DSCAML1: variants seen among roughly 807,000 people sequenced by gnomAD.
The protein encoded by DSCAML1 is DS cell adhesion molecule like 1, also known as cell adhesion molecule DSCAML1.
DSCAML1 carries 38 observed loss-of-function variants against 200.5 expected under a neutral mutation model. The observed-to-expected ratio is 0.19, with a 90% CI of 0.15 to 0.25. The LOEUF is 0.25. DSCAML1 is among the 10% of genes least tolerant of loss of function. The probability of loss-of-function intolerance (pLI) is 1.00; values close to 1 mark genes in which losing one functional copy is unlikely to be tolerated. For missense variants in DSCAML1, 2,223 were observed against 2,858.8 expected, an observed-to-expected ratio of 0.78 and a Z score of 5.07; for synonymous variants, 1,215 against 1,165.0, an observed-to-expected ratio of 1.04 and a Z score of -0.87.
At chr11:117,492,021 C>T (rs1439505146) in intron 11 of DSCAML1, among the ~76,000 whole-genome samples, 1 of 152,116 alleles carries the variant, frequency 6.6e-6, no homozygotes, top group African/African-American at 2.4e-5. Flanking sequence ...ACCTGAGAAT[C>T]ACCTTGGAAG....
At chr11:117,787,007 C>G (rs903001600) in intron 1 of DSCAML1, among the ~76,000 whole-genome samples, 1 of 152,198 alleles carries the variant, frequency 6.6e-6, no homozygotes, top group Non-Finnish European at 1.5e-5. Flanking sequence ...AGGCCATTAG[C>G]TCCCCGAGGG....
At chr11:117,485,658 G>A (rs917178876) in intron 11 of DSCAML1, among the ~76,000 whole-genome samples, 1 of 152,240 alleles carries the variant, frequency 6.6e-6, no homozygotes, top group African/African-American at 2.4e-5. Flanking sequence ...ATCCCCAAGG[G>A]GTTCCATCAA....
At chr11:117,768,047 G>A (rs961677969) in intron 3 of DSCAML1, among the ~76,000 whole-genome samples, 3 of 152,162 alleles carry the variant, frequency 2.0e-5, no homozygotes, top group African/African-American at 4.8e-5. Context: ...GGTAACGGGG[G>A]CTGTTTTGAG....
chr11:117,473,586 G>A (rs1228665210), intron 14 of DSCAML1, among the ~76,000 whole-genome samples: 1 of 152,126 alleles, frequency 6.6e-6, no homozygotes, highest in Non-Finnish European at 1.5e-5. Context: ...AATGTCCCAG[G>A]CCTCCAATTT....
intron 3 of DSCAML1, among the ~76,000 whole-genome samples, chr11:117,596,930 CA>C: frequency 6.6e-6 from 1 of 152,272 alleles, no homozygotes; most frequent in East Asian, 1.9e-4. Context: ...TTGGCATTTA[CA>C]AGGTTTGTCC....
intron 3 of DSCAML1, among the ~76,000 whole-genome samples, chr11:117,534,757 GCAC>G (rs2050136971): frequency 6.6e-6 from 1 of 152,104 alleles, no homozygotes; most frequent in Non-Finnish European, 1.5e-5. Context: ...CCACAGTCAT[GCAC>G]CACCACAACT....
chr11:117,495,913 A>G (rs565180487), intron 11 of DSCAML1, among the ~76,000 whole-genome samples: 1 of 152,304 alleles, frequency 6.6e-6, no homozygotes, highest in East Asian at 1.9e-4. Context: ...CATCATGTCC[A>G]GACTTCAGAA....
chr11:117,752,426 T>C (rs530540730), intron 3 of DSCAML1, among the ~76,000 whole-genome samples: 2 of 152,288 alleles, frequency 1.3e-5, no homozygotes, highest in Admixed American at 1.3e-4. Context: ...ATCATTTTAC[T>C]CAAAGGTGAG....
chr11:117,698,465 CT>C (rs1238437626), intron 3 of DSCAML1, among the ~76,000 whole-genome samples: 2 of 152,168 alleles, frequency 1.3e-5, no homozygotes, highest in Non-Finnish European at 2.9e-5. Flanking sequence ...TTAAACAAAA[CT>C]TTTTGGGAAC....
intron 3 of DSCAML1, among the ~76,000 whole-genome samples, chr11:117,543,353 T>G (rs921752355): frequency 6.6e-6 from 1 of 151,944 alleles, no homozygotes; most frequent in African/African-American, 2.4e-5. Context: ...GTACCTGCAC[T>G]GGTGTGTGTA....
At chr11:117,584,745 G>A (rs571398492) in intron 3 of DSCAML1, among the ~76,000 whole-genome samples, 13 of 152,206 alleles carry the variant, frequency 8.5e-5, no homozygotes, top group Non-Finnish European at 1.9e-4. Context: ...GGCTGTGAAC[G>A]TTGCTTGCTA....
chr11:117,748,676 C>G (rs1167688559), intron 3 of DSCAML1, among the ~76,000 whole-genome samples: 2 of 152,202 alleles, frequency 1.3e-5, no homozygotes, highest in Non-Finnish European at 2.9e-5. Context: ...GGACTCCAGG[C>G]TGGTAGTGTT....
intron 3 of DSCAML1, among the ~76,000 whole-genome samples, chr11:117,712,459 A>G (rs2137772289): frequency 6.6e-6 from 1 of 152,268 alleles, no homozygotes; most frequent in East Asian, 1.9e-4. Flanking sequence ...ATATTCATAG[A>G]AATCCGGTTT....
At chr11:117,744,646 G>A (rs2054483606) in intron 3 of DSCAML1, among the ~76,000 whole-genome samples, 1 of 152,228 alleles carries the variant, frequency 6.6e-6, no homozygotes, top group African/African-American at 2.4e-5. Flanking sequence ...CACCCCAGTA[G>A]CCAGAGCCCC....
In DSCAML1 at chr11:117,518,176, T is replaced by C. The variant is rs1185555922; in HGVS notation, c.1510+290A>G. Among the ~76,000 whole-genome samples the C allele has an allele frequency of 6.6e-6, 1 of 151,748 alleles. No individual in the cohort carries two copies. Among genetic ancestry groups the C allele is most frequent in the Non-Finnish European group, 1.5e-5 (1 of 67,962 alleles). On this transcript the variant is annotated intron_variant, in intron 7 of 32. Coordinates refer to ENST00000651296, the MANE Select transcript of DSCAML1 (RefSeq NM_020693.4). The surrounding 1 kb of genome is among the most constrained non-coding windows in gnomAD (Gnocchi z 6.3). ...AGAGATTTGATGGGGAGGAATGGGCTAGAGGGTAAGAGAAGGGGCTGGGCT... is the reference window on the plus strand; with the variant it reads ...AGAGATTTGATGGGGAGGAATGGGCCAGAGGGTAAGAGAAGGGGCTGGGCT...
At chr11:117,694,416 A>G (rs576298509) in intron 3 of DSCAML1, among the ~76,000 whole-genome samples, 10 of 152,108 alleles carry the variant, frequency 6.6e-5, no homozygotes, top group African/African-American at 2.2e-4. Flanking sequence ...AAAAGAAAAA[A>G]AAAAAAAGAT....
intron 3 of DSCAML1, among the ~76,000 whole-genome samples, chr11:117,628,031 T>C (rs2052092277): frequency 6.6e-6 from 1 of 152,090 alleles, no homozygotes; most frequent in Non-Finnish European, 1.5e-5. Context: ...TTTTAAAGGG[T>C]TTATGTTGCA....
intron 19 of DSCAML1, among the ~76,000 whole-genome samples, chr11:117,453,327 G>A (rs1288472642): frequency 6.6e-6 from 1 of 152,096 alleles, no homozygotes; most frequent in Non-Finnish European, 1.5e-5. Flanking sequence ...CATACATTCA[G>A]CATTTAATTG....
rs941910397 is a variant in DSCAML1, at chr11:117,735,770, C to T, written c.511+41021G>A. Reference sequence around the variant, plus strand: ...CGTCCAGCGGGTCCTGTCACTGTCACGACCAGGAGACAGCAGCCTAGCTGT... The same window carrying T: ...CGTCCAGCGGGTCCTGTCACTGTCATGACCAGGAGACAGCAGCCTAGCTGT... On this transcript the variant is annotated intron_variant, in intron 3 of 32. Coordinates refer to ENST00000651296, the MANE Select transcript of DSCAML1 (RefSeq NM_020693.4). 3.9e-5 allele frequency among the ~76,000 whole-genome samples: 6 copies of T among 152,308 alleles called. No individual in the cohort carries two copies. In the Middle Eastern group the frequency reaches 0.01, roughly 259 times the overall value.
Sources: gnomAD v4.1 joint callset for allele counts (sites outside exome capture counted in the v4.1 genomes callset) on GRCh38, gnomAD v4.1.1 for gene constraint, Gnocchi (gnomAD v3.1) non-coding constraint, MANE v1.5 for transcripts, NCBI Gene and HGNC (gene_info 2026-07-23, HGNC 2026-07-21) for gene names.